Variants in CERS6 observed in about 807,000 individuals in gnomAD.
CERS6 encodes the protein ceramide synthase 6.
In CERS6, 26 loss-of-function variants were observed where a neutral mutation model predicts 56.8. The ratio of observed to expected loss-of-function variants is 0.46; its 90% confidence interval spans 0.34 to 0.63. The LOEUF (loss-of-function observed/expected upper bound fraction) is 0.63. Among genes scored for constraint, CERS6 ranks in the 30% least tolerant of loss-of-function variants. CERS6 has a pLI of 0.01. For synonymous variants in CERS6, 164 were observed against 173.3 expected, an observed-to-expected ratio of 0.95 and a Z score of 0.42; for missense variants, 415 against 467.5, an observed-to-expected ratio of 0.89 and a Z score of 1.04.
At chr2:168,681,502 TTTA>T (rs1015663794) in intron 4 of CERS6, among the ~76,000 whole-genome samples, 1 of 152,316 alleles carries the variant, frequency 6.6e-6, no homozygotes, top group Admixed American at 6.5e-5. Flanking sequence ...CATTCTTGTT[TTTA>T]TTATTTTTGA....
intron 8 of CERS6, among the ~76,000 whole-genome samples, chr2:168,762,736 T>G: frequency 6.6e-6 from 1 of 152,236 alleles, no homozygotes; most frequent in East Asian, 1.9e-4. Context: ...ATATGTGTAT[T>G]ATGTATTACT....
chr2:168,677,232 A>G (rs543751045), intron 4 of CERS6, among the ~76,000 whole-genome samples: 1 of 150,768 alleles, frequency 6.6e-6, no homozygotes, highest in East Asian at 2.0e-4. Flanking sequence ...ATATGTTCTC[A>G]TTGTTCAACT....
intron 5 of CERS6, among the ~76,000 whole-genome samples, chr2:168,692,808 A>T (rs1686539654): frequency 6.6e-6 from 1 of 152,146 alleles, no homozygotes; most frequent in Admixed American, 6.6e-5. Flanking sequence ...ATGCAATTAT[A>T]GTACTTTGTG....
intron 1 of CERS6, among the ~76,000 whole-genome samples, chr2:168,495,616 C>T (rs1694452641): frequency 6.6e-6 from 1 of 152,146 alleles, no homozygotes; most frequent in African/African-American, 2.4e-5. Flanking sequence ...GTGGTTGGGG[C>T]ATCTAGCAGT....
At chr2:168,501,823 A>G (rs756866707) in intron 1 of CERS6, among the ~76,000 whole-genome samples, 11 of 152,152 alleles carry the variant, frequency 7.2e-5, no homozygotes, top group East Asian at 1.9e-4. Flanking sequence ...GAGTTCCCCT[A>G]TCACTGCAAA....
intron 8 of CERS6, among the ~76,000 whole-genome samples, chr2:168,728,516 A>C (rs1232586355): frequency 6.6e-6 from 1 of 150,872 alleles, no homozygotes; most frequent in Non-Finnish European, 1.5e-5. Context: ...CAGCCTCTCA[A>C]GTAGCTGGGA....
chr2:168,602,443 T>A (rs1683956648), intron 3 of CERS6, among the ~76,000 whole-genome samples: 2 of 152,226 alleles, frequency 1.3e-5, no homozygotes, highest in African/African-American at 4.8e-5. Context: ...CTTTATAGCT[T>A]TAATAAATTT....
At chr2:168,624,021 T>G (rs917974308) in intron 3 of CERS6, among the ~76,000 whole-genome samples, 5 of 152,164 alleles carry the variant, frequency 3.3e-5, no homozygotes, top group African/African-American at 1.2e-4. Flanking sequence ...TCAAGAAAAT[T>G]TAAGAGTGCA....
intron 8 of CERS6, among the ~76,000 whole-genome samples, chr2:168,735,011 G>A (rs77609521): frequency 0.053 from 8,010 of 152,176 alleles, 296 homozygotes; most frequent in Non-Finnish European, 0.072. Context: ...ATAAATATTA[G>A]GCCACAGGAG....
chr2:168,677,225 T>C (rs949931750), intron 4 of CERS6, among the ~76,000 whole-genome samples: 2 of 151,924 alleles, frequency 1.3e-5, no homozygotes, highest in African/African-American at 4.8e-5. Flanking sequence ...TGTGCCCATA[T>C]GTTCTCATTG....
chr2:168,695,242 C>T (rs1686616160), intron 6 of CERS6, among the ~76,000 whole-genome samples, 191 bp downstream of exon 6: 2 of 152,062 alleles, frequency 1.3e-5, no homozygotes, highest in South Asian at 2.1e-4. Context: ...ATTGTTTCTT[C>T]GCTCATCCCC....
intron 1 of CERS6, among the ~76,000 whole-genome samples, chr2:168,532,946 T>G (rs532236230): frequency 6.6e-6 from 1 of 152,212 alleles, no homozygotes; most frequent in South Asian, 2.1e-4. Context: ...AAATATTCAT[T>G]GAAAGCATTT....
chr2:168,599,984 G>T (rs957624596), intron 3 of CERS6, among the ~76,000 whole-genome samples: 1 of 152,138 alleles, frequency 6.6e-6, no homozygotes, highest in Non-Finnish European at 1.5e-5. Flanking sequence ...TCATTTGACT[G>T]ATGATATGGT....
intron 3 of CERS6, among the ~76,000 whole-genome samples, chr2:168,599,020 A>G (rs1359522563): frequency 6.6e-6 from 1 of 152,180 alleles, no homozygotes; most frequent in Admixed American, 6.5e-5. Flanking sequence ...TTTTCAAGGA[A>G]CTTTCGTGAG....
At chr2:168,661,441 G>A (rs908961326) in intron 4 of CERS6, among the ~76,000 whole-genome samples, 1 of 152,178 alleles carries the variant, frequency 6.6e-6, no homozygotes, top group South Asian at 2.1e-4. Context: ...TAAGTGGAAA[G>A]GAGCACAGCG....
chr2:168,528,253 C>T (rs1047761435), intron 1 of CERS6, among the ~76,000 whole-genome samples: 4 of 152,206 alleles, frequency 2.6e-5, no homozygotes, highest in Non-Finnish European at 4.4e-5. Context: ...CTGTTCTACA[C>T]CCAGCAGGAG....
intron 8 of CERS6, among the ~76,000 whole-genome samples, chr2:168,758,900 C>T (rs1363658669): frequency 6.6e-6 from 1 of 151,960 alleles, no homozygotes; most frequent in African/African-American, 2.4e-5. Flanking sequence ...GAATGCGAAT[C>T]GGTACGGCCT....
At chr2:168,616,213 A>G (rs1010921562) in intron 3 of CERS6, among the ~76,000 whole-genome samples, 1 of 152,232 alleles carries the variant, frequency 6.6e-6, no homozygotes, top group African/African-American at 2.4e-5. Flanking sequence ...AGGAACTGCT[A>G]AAAGGAGCTC....
intron 1 of CERS6, among the ~76,000 whole-genome samples, chr2:168,465,319 C>T (rs929297054): frequency 6.6e-6 from 1 of 152,202 alleles, no homozygotes; most frequent in South Asian, 2.1e-4. Flanking sequence ...GGCCCACTTT[C>T]TGGGTCACAG....
Sources: gnomAD v4.1 joint callset for allele counts (sites outside exome capture counted in the v4.1 genomes callset) on GRCh38, gnomAD v4.1.1 for gene constraint, MANE v1.5 for transcripts, NCBI Gene and HGNC (gene_info 2026-07-23, HGNC 2026-07-21) for gene names.